DLG2: variants seen among roughly 807,000 people sequenced by gnomAD.
The protein encoded by DLG2 is disks large homolog 2.
Under a neutral mutation model 132.5 loss-of-function variants are expected in DLG2, and 45 were observed. That is an observed-to-expected ratio of 0.34 (90% CI 0.27 to 0.44). The LOEUF is 0.44. Ranked by LOEUF, DLG2 falls within the 20% of genes least tolerant of loss-of-function variation. The probability of loss-of-function intolerance (pLI) is 1.00; values close to 1 mark genes in which losing one functional copy is unlikely to be tolerated. For synonymous variants in DLG2, 424 were observed against 419.6 expected, an observed-to-expected ratio of 1.01 and a Z score of -0.13; for missense variants, 1,045 against 1,196.9, an observed-to-expected ratio of 0.87 and a Z score of 1.87.
At chr11:84,596,188 C>G (rs1175398837) in intron 6 of DLG2, among the ~76,000 whole-genome samples, 1 of 133,060 alleles carries the variant, frequency 7.5e-6, no homozygotes, top group Non-Finnish European at 1.6e-5. Context: ...CTTCTTTTCT[C>G]TGTCTCTCTC....
intron 3 of DLG2, among the ~76,000 whole-genome samples, chr11:85,543,602 A>G (rs2076112913): frequency 6.6e-6 from 1 of 152,206 alleles, no homozygotes; most frequent in Admixed American, 6.5e-5. Context: ...CACTCCCACC[A>G]ACAATGTAAA....
intron 4 of DLG2, among the ~76,000 whole-genome samples, chr11:85,274,060 A>G (rs151181549): frequency 6.6e-6 from 1 of 152,228 alleles, no homozygotes; most frequent in Non-Finnish European, 1.5e-5. Context: ...AACCACGAGA[A>G]CACTTGGACA....
intron 5 of DLG2, among the ~76,000 whole-genome samples, chr11:85,133,828 T>C (rs1300837565): frequency 6.6e-6 from 1 of 152,070 alleles, no homozygotes; most frequent in Non-Finnish European, 1.5e-5. Context: ...ATTAGCACTC[T>C]CCCCTCCCCC....
intron 7 of DLG2, among the ~76,000 whole-genome samples, chr11:84,412,342 A>G (rs994751367): frequency 1.3e-5 from 2 of 151,414 alleles, no homozygotes; most frequent in African/African-American, 2.4e-5. Flanking sequence ...TGTGCCAAAT[A>G]CTATGTACTT....
At chr11:85,504,250 C>T (rs1473286695) in intron 3 of DLG2, among the ~76,000 whole-genome samples, 12 of 151,992 alleles carry the variant, frequency 7.9e-5, no homozygotes, top group Non-Finnish European at 5.9e-5. Flanking sequence ...GCTTTTGTTG[C>T]CATTGCTTTT....
intron 3 of DLG2, among the ~76,000 whole-genome samples, chr11:85,414,894 A>C (rs1597114469): frequency 6.6e-6 from 1 of 151,824 alleles, no homozygotes; most frequent in Non-Finnish European, 1.5e-5. Flanking sequence ...AAGTTCTGGG[A>C]GACATGTGCA....
chr11:85,500,701 C>A (rs1424836072), intron 3 of DLG2, among the ~76,000 whole-genome samples: 1 of 152,132 alleles, frequency 6.6e-6, no homozygotes, highest in Non-Finnish European at 1.5e-5. Context: ...CTTAGGAATA[C>A]AACTTATAAG....
chr11:85,558,018 A>G (rs1261416842), intron 3 of DLG2, among the ~76,000 whole-genome samples: 1 of 151,902 alleles, frequency 6.6e-6, no homozygotes, highest in Non-Finnish European at 1.5e-5. Flanking sequence ...GAGTAAACAG[A>G]CAACCTACAG....
At chr11:85,444,422 G>A (rs1157848711) in intron 3 of DLG2, among the ~76,000 whole-genome samples, 1 of 152,130 alleles carries the variant, frequency 6.6e-6, no homozygotes, top group Non-Finnish European at 1.5e-5. Context: ...ATATCAGTTT[G>A]TTTTCAGGAT....
At chr11:84,664,067 C>A (rs1298015482) in intron 6 of DLG2, among the ~76,000 whole-genome samples, 1 of 152,142 alleles carries the variant, frequency 6.6e-6, no homozygotes, top group East Asian at 1.9e-4. Flanking sequence ...CTATTTTATA[C>A]CTTAAGAGGC....
chr11:83,710,983 C>T (rs1361306872), intron 18 of DLG2, among the ~76,000 whole-genome samples: 1 of 152,138 alleles, frequency 6.6e-6, no homozygotes. Context: ...CATGGACTGT[C>T]TCATTTATTC....
At chr11:85,067,303 AT>A (rs2065071750) in intron 6 of DLG2, among the ~76,000 whole-genome samples, 1 of 151,644 alleles carries the variant, frequency 6.6e-6, no homozygotes, top group Admixed American at 6.6e-5. Flanking sequence ...CAGCTCCTGG[AT>A]TCATTGATTT....
At chr11:84,158,711 A>G (rs996484132) in intron 9 of DLG2, among the ~76,000 whole-genome samples, 2 of 152,226 alleles carry the variant, frequency 1.3e-5, no homozygotes, top group Admixed American at 6.5e-5. Flanking sequence ...GGCAAATACC[A>G]TAACTTATTT....
At chr11:84,801,599 G>T (rs1356438192) in intron 6 of DLG2, among the ~76,000 whole-genome samples, 1 of 152,092 alleles carries the variant, frequency 6.6e-6, no homozygotes, top group Non-Finnish European at 1.5e-5. Context: ...TGCTTTTGTC[G>T]CTGGAATTAC....
chr11:83,508,863 C>G (rs749079339), intron 21 of DLG2, among the ~76,000 whole-genome samples: 1 of 152,164 alleles, frequency 6.6e-6, no homozygotes, highest in South Asian at 2.1e-4. Context: ...GTTTTGTTTT[C>G]GGTTTGGATT....
Position 85,614,317 on chromosome 11 carries a change from GT to G in DLG2, c.-93+12269del, listed in dbSNP as rs771726799. Among the ~76,000 whole-genome samples, 169 of 148,436 alleles carry G rather than the reference GT, an allele frequency of 1.1e-3. 1 individual carries two copies. Among genetic ancestry groups the G allele is most frequent in the South Asian group, 8.4e-3 (39 of 4,640 alleles). The stretch of plus-strand genomic sequence containing the variant: ...AACAGAAAAGTTAGTCTTGAACCAG[GT>G]TTTTTTTTTTTTTTAAAAATTAACA... On this transcript the variant is annotated intron_variant, in intron 2 of 27. Transcript: ENST00000376104.
chr11:85,609,540 TA>T (rs1345628920), intron 2 of DLG2, among the ~76,000 whole-genome samples: 1 of 152,142 alleles, frequency 6.6e-6, no homozygotes, highest in African/African-American at 2.4e-5. Context: ...AAGGACACTT[TA>T]AAAAAGATTG....
chr11:85,443,760 T>C (rs1193956590), intron 3 of DLG2, among the ~76,000 whole-genome samples: 6 of 152,260 alleles, frequency 3.9e-5, no homozygotes, highest in African/African-American at 1.4e-4. Flanking sequence ...AAATGAGACT[T>C]GTTGCCTGCT....
intron 3 of DLG2, among the ~76,000 whole-genome samples, chr11:85,551,668 G>A (rs979494202): frequency 1.3e-5 from 2 of 152,020 alleles, no homozygotes; most frequent in Non-Finnish European, 2.9e-5. Context: ...GATGTTGCAT[G>A]CAAATAATAT....
Sources: allele counts gnomAD v4.1 joint callset (sites outside exome capture counted in the v4.1 genomes callset), GRCh38; gene constraint gnomAD v4.1.1; transcripts MANE v1.5; gene names NCBI Gene and HGNC (gene_info 2026-07-23, HGNC 2026-07-21).